FUT8: variants seen among roughly 807,000 people sequenced by gnomAD.
The protein encoded by FUT8 is alpha-(1,6)-fucosyltransferase.
FUT8 carries 29 observed loss-of-function variants against 71.3 expected under a neutral mutation model. The observed-to-expected ratio is 0.41, with a 90% CI of 0.30 to 0.55. The LOEUF (loss-of-function observed/expected upper bound fraction) is 0.55. FUT8 is among the 20% of genes least tolerant of loss of function. The pLI, the probability that FUT8 is intolerant of heterozygous loss-of-function variation, is 0.34. For synonymous variants in FUT8, 254 were observed against 239.3 expected (o/e 1.06, Z -0.57); for missense variants, 544 against 702.1 (o/e 0.77, Z 2.55).
chr14:65,611,290 CA>C lies in FUT8; in HGVS notation c.204-4687del, dbSNP rs1337658742. On this transcript the variant is annotated intron_variant, in intron 3 of 10. Transcript: ENST00000673929. ...ACACACACACACACACACACACACA[CA>C]CACACACACACCCCCCAAGTAATAG... 2.3e-4 allele frequency among the ~76,000 whole-genome samples: 10 copies of C among 43,628 alleles called. 1 individual carries two copies. Among genetic ancestry groups the C allele is most frequent in the East Asian group, 2.3e-3 (2 of 878 alleles). 28.6% of individuals were successfully genotyped at this position (43,628 alleles called of 152,430 possible).
intron 1 of FUT8, among the ~76,000 whole-genome samples, chr14:65,424,770 C>T (rs1470584204): frequency 6.6e-6 from 1 of 152,062 alleles, no homozygotes; most frequent in African/African-American, 2.4e-5. Context: ...AGCGATTCTC[C>T]CATTTCAGCC....
chr14:65,500,413 A>G lies in FUT8; in HGVS notation c.-228+44695A>G, dbSNP rs575876117. Among the ~76,000 whole-genome samples the G allele has an allele frequency of 3.4e-3, 520 of 152,218 alleles. 2 individuals are homozygous for G. Among genetic ancestry groups the G allele is most frequent in the African/African-American group, 0.012 (493 of 41,506 alleles). On this transcript the variant is annotated intron_variant, in intron 2 of 10. Transcript: ENST00000673929. Reference sequence around the variant, plus strand: ...AATATCCTGGATCATTCTCTTGTGAAACTAGCATTAAGAGCCACCACTTTA... The same window carrying G: ...AATATCCTGGATCATTCTCTTGTGAGACTAGCATTAAGAGCCACCACTTTA...
intron 3 of FUT8, among the ~76,000 whole-genome samples, chr14:65,587,952 T>C (rs1309430396): frequency 6.6e-6 from 1 of 152,218 alleles, no homozygotes; most frequent in Non-Finnish European, 1.5e-5. Flanking sequence ...TAGATGATGG[T>C]AATTGGTAAA....
chr14:65,658,615 G>A (rs928076166), intron 6 of FUT8, among the ~76,000 whole-genome samples: 3 of 148,990 alleles, frequency 2.0e-5, no homozygotes, highest in Non-Finnish European at 4.4e-5. Flanking sequence ...CACACAAGTT[G>A]GATGGATCTC....
Position 65,582,788 on chromosome 14 carries a change from TA to T in FUT8, c.203+21025del, listed in dbSNP as rs553751059. ...AGTGTTTAGAATCTGGCGTCTTTAA[TA>T]AAGTGAATTAAATGCTCATTGAATG... On this transcript the variant is annotated intron_variant, in intron 3 of 10. Transcript: ENST00000673929. Among the ~76,000 whole-genome samples, 526 of 152,324 alleles carry T rather than the reference TA, an allele frequency of 3.5e-3. 2 individuals carry two copies. The highest frequency in any genetic ancestry group is 0.012 in the African/African-American group (499 of 41,570).
At chr14:65,449,697 A>G (rs2065793390) in intron 1 of FUT8, among the ~76,000 whole-genome samples, 1 of 152,200 alleles carries the variant, frequency 6.6e-6, no homozygotes, top group African/African-American at 2.4e-5. Flanking sequence ...TAAATTTTCA[A>G]TAGTAAAATT....
intron 2 of FUT8, among the ~76,000 whole-genome samples, chr14:65,555,332 G>A (rs907082788): frequency 1.4e-4 from 22 of 152,056 alleles, no homozygotes; most frequent in African/African-American, 5.3e-4. Flanking sequence ...GAACTCACAG[G>A]TCTGTCAACT....
intron 6 of FUT8, among the ~76,000 whole-genome samples, chr14:65,662,441 C>G (rs1892013384): frequency 6.6e-6 from 1 of 152,000 alleles, no homozygotes; most frequent in African/African-American, 2.4e-5. Flanking sequence ...CAGAAGAATC[C>G]TGTTATATCT....
chr14:65,448,801 A>G (rs1237079872), intron 1 of FUT8, among the ~76,000 whole-genome samples: 1 of 152,250 alleles, frequency 6.6e-6, no homozygotes, highest in Non-Finnish European at 1.5e-5. Flanking sequence ...TGCCTTCTTA[A>G]TTCAGACTAA....
intron 3 of FUT8, among the ~76,000 whole-genome samples, chr14:65,597,171 A>C (rs1430241383): frequency 1.3e-5 from 2 of 149,652 alleles, no homozygotes; most frequent in African/African-American, 4.9e-5. Flanking sequence ...CAGCTAGGAA[A>C]AGTTAAGAGT....
At chr14:65,587,465 A>G (rs1172865037) in intron 3 of FUT8, among the ~76,000 whole-genome samples, 1 of 152,244 alleles carries the variant, frequency 6.6e-6, no homozygotes, top group African/African-American at 2.4e-5. Flanking sequence ...ATATATTTCT[A>G]GAGCAGTGCC....
intron 2 of FUT8, among the ~76,000 whole-genome samples, chr14:65,521,676 A>G (rs780213821): frequency 9.2e-5 from 14 of 152,216 alleles, no homozygotes; most frequent in Non-Finnish European, 1.6e-4. Flanking sequence ...TGTGCATGGC[A>G]CAAGGTGGTC....
chr14:65,663,130 G>T (rs998916421), intron 6 of FUT8, among the ~76,000 whole-genome samples: 8 of 151,886 alleles, frequency 5.3e-5, no homozygotes, highest in African/African-American at 1.9e-4. Flanking sequence ...CTAGTCTTTT[G>T]CAGGCATCAA....
chr14:65,478,602 T>C (rs1312354156), intron 2 of FUT8, among the ~76,000 whole-genome samples: 1 of 152,180 alleles, frequency 6.6e-6, no homozygotes, highest in African/African-American at 2.4e-5. Context: ...AAATTTTTAG[T>C]TGGGAGGCTA....
intron 7 of FUT8, among the ~76,000 whole-genome samples, chr14:65,693,469 A>G (rs535075512): frequency 6.6e-6 from 1 of 152,370 alleles, no homozygotes; most frequent in South Asian, 2.1e-4. Flanking sequence ...GCAGCAGTAC[A>G]GTCCAGCTTC....
At chr14:65,507,010 C>T (rs1436244264) in intron 2 of FUT8, among the ~76,000 whole-genome samples, 1 of 152,252 alleles carries the variant, frequency 6.6e-6, no homozygotes, top group African/African-American at 2.4e-5. Flanking sequence ...GTGACCATGA[C>T]CTCGATCAGC....
chr14:65,730,626 C>T (rs963329695), intron 9 of FUT8, among the ~76,000 whole-genome samples: 22 of 152,002 alleles, frequency 1.4e-4, no homozygotes, highest in Non-Finnish European at 1.3e-4. Flanking sequence ...GAGCCAAGAT[C>T]GCACCACTGC....
intron 2 of FUT8, among the ~76,000 whole-genome samples, chr14:65,506,074 A>G (rs1202437266): frequency 1.3e-5 from 2 of 152,230 alleles, no homozygotes; most frequent in African/African-American, 4.8e-5. Flanking sequence ...TAAAATTTAC[A>G]TATATGTAAG....
chr14:65,591,102 A>T (rs189851877), intron 3 of FUT8, among the ~76,000 whole-genome samples: 2 of 152,308 alleles, frequency 1.3e-5, no homozygotes, highest in East Asian at 3.9e-4. Context: ...CAAAGCCTAG[A>T]AGTATTTGTG....
Sources: allele counts gnomAD v4.1 joint callset (sites outside exome capture counted in the v4.1 genomes callset), GRCh38; gene constraint gnomAD v4.1.1; transcripts MANE v1.5; gene names NCBI Gene and HGNC (gene_info 2026-07-23, HGNC 2026-07-21).